Variants in ODAD3 observed in about 807,000 individuals in gnomAD.
ODAD3 encodes the protein outer dynein arm docking complex subunit 3, also known as outer dynein arm-docking complex subunit 3.
ODAD3 carries 57 observed loss-of-function variants against 70.9 expected under a neutral mutation model. The ratio of observed to expected loss-of-function variants is 0.80; its 90% CI spans 0.65 to 1.00. The LOEUF is 1.00. Ranked by LOEUF, ODAD3 falls within the 50% of genes least tolerant of loss-of-function variation. ODAD3 has a pLI of 0.00. For synonymous variants in ODAD3, 327 were observed against 315.9 expected (o/e 1.04, Z -0.37); for missense variants, 797 against 763.9 (o/e 1.04, Z -0.51).
Position 11,426,255 on chromosome 19 carries a change from C to G in ODAD3, c.852G>C (p.Gln284His), listed in dbSNP as rs184435031. 1 of 1,613,912 alleles carries G rather than the reference C, an allele frequency of 6.2e-7. No individual in the cohort carries two copies. The highest frequency in any genetic ancestry group is 1.1e-5 in the South Asian group (1 of 91,086). The stretch of plus-strand genomic sequence containing the variant: ...CTCGAACCAAGGTCTCCTCTAGGTA[C>G]TGCAGCTGGTTCTGGAGGGCGGGCA... Reference protein sequence around the residue: ...NARDIAKNQLQYLEETLVRER... With the variant: ...NARDIAKNQLHYLEETLVRER... The change falls in exon 7 of 13, where the codon CAG becomes CAC. Residue 284 changes from glutamine (Q) to histidine (H), a missense_variant. Gln to His is a conservative substitution (Grantham distance 24). Transcript: ENST00000356392.
At position 11,421,951 on chromosome 19, in the gene ODAD3, G is replaced by A. The variant is rs535502559; in HGVS notation, c.1435-119C>T. On this transcript the variant is annotated intron_variant, in intron 10 of 12. Transcript: ENST00000356392. ...TAGGAGGTAAGGGCCCACCTGCAGG[G>A]TCGATCCTAGCCATTGGGGGCGGGG... The A allele has an allele frequency of 8.2e-5, 93 of 1,138,238 alleles. No individual in the cohort carries two copies. In the South Asian group the frequency reaches 1.4e-3, roughly 17 times the overall value. The allele number at this position is 1,138,238 out of a possible 1,614,324, so 70.5% of individuals were successfully genotyped here. A position where few individuals can be genotyped will look rare whatever the true frequency, so the allele number is the denominator to read the frequency against.
chr19:11,425,615 A>G lies in ODAD3; in HGVS notation c.963+529T>C, dbSNP rs200100574. Among the ~76,000 whole-genome samples the G allele has an allele frequency of 2.6e-3, 370 of 142,998 alleles. 2 individuals carry two copies. Among genetic ancestry groups the G allele is most frequent in the Middle Eastern group, 7.2e-3 (2 of 276 alleles). 93.8% of individuals were successfully genotyped at this position (142,998 alleles called of 152,430 possible). ...TATGTGTATATATGTGTGTGTATAT[A>G]TGCATATATGCATATATGTATATAT... On this transcript the variant is annotated intron_variant, in intron 7 of 12. Transcript: ENST00000356392.
At chr19:11,435,483 T>G (rs968624676), upstream of ODAD3, 6 of 378,342 alleles carry the variant, frequency 1.6e-5, no homozygotes, top group African/African-American at 1.1e-4. Flanking sequence ...CTCAGAACTA[T>G]CCTCTCTAAG....
Position 11,422,990 on chromosome 19 carries a change from A to G in ODAD3, c.1117-129T>C. ...CTGAGCTGGCGCCTTTTGCACAGCAATGTATGGGGACACTGTGGGTTGGAC... is the reference window on the plus strand; with the variant it reads ...CTGAGCTGGCGCCTTTTGCACAGCAGTGTATGGGGACACTGTGGGTTGGAC... On this transcript the variant is annotated intron_variant, in intron 8 of 12. Coordinates refer to ENST00000356392, the MANE Select transcript of ODAD3 (RefSeq NM_145045.5). This position sits in a 1 kb window ranked among gnomAD's most constrained non-coding sequence, Gnocchi z 4.6. The G allele has an allele frequency of 1.0e-6, 1 of 989,420 alleles. No homozygotes were observed. Among genetic ancestry groups the G allele is most frequent in the Non-Finnish European group, 1.5e-6 (1 of 683,516 alleles). 61.3% of individuals were successfully genotyped at this position (989,420 alleles called of 1,614,324 possible). A position where few individuals can be genotyped will look rare whatever the true frequency, so the allele number is the denominator to read the frequency against.
chr19:11,432,642 T>C (rs34088), intron 1 of ODAD3, among the ~76,000 whole-genome samples: 19,321 of 152,174 alleles, frequency 0.13, 1,553 homozygotes, highest in African/African-American at 0.22. Context: ...GCATTTATTA[T>C]GTGTTGGATG....
chr19:11,425,824 T>C (rs1006360895), intron 7 of ODAD3, among the ~76,000 whole-genome samples: 3 of 151,240 alleles, frequency 2.0e-5, no homozygotes, highest in African/African-American at 7.3e-5. Context: ...AGGCAACGGT[T>C]GGCTCAGAGG....
At chr19:11,427,499 T>G (rs1348143342) in intron 3 of ODAD3, among the ~76,000 whole-genome samples, 3 of 105,038 alleles carry the variant, frequency 2.9e-5, no homozygotes, top group Non-Finnish European at 6.2e-5. Context: ...TTTTTTTTTT[T>G]GAAACGGAGT....
At chr19:11,435,486 T>G (rs1197376459), upstream of ODAD3, 27 of 374,500 alleles carry the variant, frequency 7.2e-5, no homozygotes, top group Non-Finnish European at 1.2e-4. Flanking sequence ...AGAACTATCC[T>G]CTCTAAGGTT....
In ODAD3 at chr19:11,426,463, C is replaced by T. The variant is rs1599462009; in HGVS notation, c.823G>A (p.Ala275Thr). The T allele has an allele frequency of 6.2e-7, 1 of 1,614,030 alleles. No homozygotes were observed. The highest frequency in any genetic ancestry group is 1.1e-5 in the South Asian group (1 of 91,086). The change falls in exon 6 of 13, where the codon GCC becomes ACC. Residue 275 changes from alanine to threonine, a missense_variant. Physicochemically the swap from Ala to Thr is moderately conservative, Grantham distance 58. Transcript: ENST00000356392. ...LHVVNQEALN[A>T]RDIAKNQLQY... Reference sequence around the variant, plus strand: ...GGTGGCACCTTGGCAATGTCCCGGGCATTGAGGGCCTCTTGGTTCACCACG... The same window carrying T: ...GGTGGCACCTTGGCAATGTCCCGGGTATTGAGGGCCTCTTGGTTCACCACG...
intron 7 of ODAD3, among the ~76,000 whole-genome samples, chr19:11,425,381 G>GTACA (rs1969315071): frequency 2.0e-5 from 2 of 101,180 alleles, no homozygotes; most frequent in African/African-American, 4.3e-5. Context: ...ATATATGTGT[G>GTACA]TATGTACATA....
chr19:11,435,132 C>A (rs968253000), upstream of ODAD3: 4 of 1,464,042 alleles, frequency 2.7e-6, no homozygotes, highest in Admixed American at 2.6e-5. Context: ...ACTTTCCGAC[C>A]GCTAGGTGGT....
intron 1 of ODAD3, 38 bp downstream of exon 1, chr19:11,434,735 T>G: frequency 6.4e-7 from 1 of 1,572,680 alleles, no homozygotes; most frequent in Non-Finnish European, 8.7e-7. Flanking sequence ...TGGGCACTGT[T>G]GACCCCTGAC....
chr19:11,425,113 G>A (rs1282835021), intron 7 of ODAD3, among the ~76,000 whole-genome samples: 5 of 132,926 alleles, frequency 3.8e-5, no homozygotes, highest in African/African-American at 1.0e-4. Flanking sequence ...GTATATATGT[G>A]TATATGTACA....
rs57892201 is a variant in ODAD3, at chr19:11,423,835, TGG to T, written c.1116+40_1116+41del. On this transcript the variant is annotated intron_variant, in intron 8 of 12. Coordinates refer to ENST00000356392, the MANE Select transcript of ODAD3 (RefSeq NM_145045.5). Reference sequence around the variant, plus strand: ...AGGCACCCCTGGGGCCCGTCTGGGGTGGGGGGGGGGCGCGGCGGAGAGGGCTG... The same window carrying T: ...AGGCACCCCTGGGGCCCGTCTGGGGTGGGGGGGGCGCGGCGGAGAGGGCTG... 1.1e-3 allele frequency: 1,168 copies of T among 1,022,380 alleles called. 6 individuals carry two copies. The African/African-American group carries it at 0.022, about 19-fold the overall frequency. The allele number at this position is 1,022,380 out of a possible 1,614,324, so 63.3% of individuals were successfully genotyped here.
At position 11,434,951 on chromosome 19, in the gene ODAD3, C is replaced by T. The variant is rs371954151; in HGVS notation, c.66G>A (p.Thr22=). 1.2e-6 allele frequency: 2 copies of T among 1,613,748 alleles called. No individual in the cohort carries two copies. Among genetic ancestry groups the T allele is most frequent in the Non-Finnish European group, 1.7e-6 (2 of 1,180,040 alleles). The change falls in exon 1 of 13, where the codon ACG becomes ACA. Residue 22 remains threonine, a synonymous_variant. Transcript: ENST00000356392. ...NALPPQDQAS[T]PSSRVKGREA... ...CCCTGCCCTTGACCCTGGAAGAGGG[C>T]GTCGAAGCCTGGTCCTGAGGAGGCA...
At chr19:11,425,943 C>T (rs1969360493) in intron 7 of ODAD3, among the ~76,000 whole-genome samples, 1 of 137,784 alleles carries the variant, frequency 7.3e-6, no homozygotes, top group Non-Finnish European at 1.5e-5. Flanking sequence ...ATGGTGCAGT[C>T]GCTTAGGAGG....
At chr19:11,425,450 CATATATGTGTGTGTATATATGT>C (rs1294909614) in intron 7 of ODAD3, among the ~76,000 whole-genome samples, 1 of 102,042 alleles carries the variant, frequency 9.8e-6, no homozygotes, top group East Asian at 3.2e-4. Context: ...TGTATATATA[CATATATGTGTGTGTATATATGT>C]ATATATGTGT....
chr19:11,427,740 C>T (rs1054539613), intron 3 of ODAD3, among the ~76,000 whole-genome samples: 1 of 151,880 alleles, frequency 6.6e-6, no homozygotes, highest in African/African-American at 2.4e-5. Context: ...CCTCGGCCTC[C>T]GAAAGTGCTG....
At chr19:11,423,344 G>A (rs1969186668) in intron 8 of ODAD3, among the ~76,000 whole-genome samples, 1 of 152,206 alleles carries the variant, frequency 6.6e-6, no homozygotes. Flanking sequence ...AGGAGCAGCA[G>A]GTTGGCGGAC....
Sources: allele counts gnomAD v4.1 joint callset (sites outside exome capture counted in the v4.1 genomes callset), GRCh38; gene constraint gnomAD v4.1.1; non-coding constraint Gnocchi (gnomAD v3.1); transcripts MANE v1.5; gene names NCBI Gene and HGNC (gene_info 2026-07-23, HGNC 2026-07-21).